The following EVC2 variants were observed in gnomAD, a reference collection of about 807,000 sequenced individuals.
EVC2 encodes the protein EvC ciliary complex subunit 2.
In EVC2, 148 loss-of-function variants were observed where a neutral mutation model predicts 149.3. The observed-to-expected ratio is 0.99, with a 90% CI of 0.87 to 1.14. The LOEUF (loss-of-function observed/expected upper bound fraction) is 1.14. Ranked by LOEUF, EVC2 falls within the 50% of genes most tolerant of loss-of-function variation. The pLI, the probability that EVC2 is intolerant of heterozygous loss-of-function variation, is 0.00. For synonymous variants in EVC2, 776 were observed against 649.9 expected (o/e 1.19, Z -2.95); for missense variants, 1,854 against 1,627.3 (o/e 1.14, Z -2.40).
chr4:5,576,362 C>G lies in EVC2; in HGVS notation c.3150G>C (p.Trp1050Cys), dbSNP rs1272934589. The G allele has an allele frequency of 1.9e-6, 3 of 1,614,176 alleles. No homozygotes were observed. Among genetic ancestry groups the G allele is most frequent in the Non-Finnish European group, 8.5e-7 (1 of 1,180,040 alleles). The change falls in exon 18 of 22, where the codon TGG becomes TGC. Residue 1050 changes from tryptophan (W) to cysteine (C), a missense_variant. By Grantham distance (215) the Trp-to-Cys change is radical. Transcript: ENST00000344408. This position sits in a 1 kb window ranked among gnomAD's most constrained non-coding sequence, Gnocchi z 4.5. ...TCAGAATCCCGGGCCCATCGGCCACCCACTGCTGCCAGCTCGCCAGGGCCT... is the reference window on the plus strand; with the variant it reads ...TCAGAATCCCGGGCCCATCGGCCACGCACTGCTGCCAGCTCGCCAGGGCCT... ...QQQALASWQQ[W>C]VADGPGILNE...
At chr4:5,601,150 G>A (rs1010010842) in intron 16 of EVC2, among the ~76,000 whole-genome samples, 1 of 152,116 alleles carries the variant, frequency 6.6e-6, no homozygotes, top group Non-Finnish European at 1.5e-5. Flanking sequence ...CAGACTGAAG[G>A]CCACAGTCTA....
chr4:5,693,626 T>C (rs958173890), intron 3 of EVC2, among the ~76,000 whole-genome samples: 3 of 152,216 alleles, frequency 2.0e-5, no homozygotes, highest in African/African-American at 2.4e-5. Flanking sequence ...ATTCCTGTTG[T>C]TTTCAGCCAT....
At chr4:5,695,184 C>T (rs1577265304) in intron 2 of EVC2, among the ~76,000 whole-genome samples, 1 of 151,882 alleles carries the variant, frequency 6.6e-6, no homozygotes, top group Non-Finnish European at 1.5e-5. Context: ...CCCGTCTCTA[C>T]TAAAATACAA....
intron 9 of EVC2, among the ~76,000 whole-genome samples, chr4:5,654,198 A>G (rs1459061208): frequency 6.6e-6 from 1 of 152,054 alleles, no homozygotes; most frequent in African/African-American, 2.4e-5. Flanking sequence ...TGAGTGACAG[A>G]GTGAGACTCC....
At chr4:5,698,577 C>T (rs1023381351) in intron 1 of EVC2, among the ~76,000 whole-genome samples, 2 of 152,310 alleles carry the variant, frequency 1.3e-5, no homozygotes, top group Admixed American at 1.3e-4. Flanking sequence ...AAGACTCAGA[C>T]CTCTCTACTG....
rs1716883584 is a variant in EVC2 at position 5,636,237 on chromosome 4, T to C, written c.1471-4205A>G. 6.6e-6 allele frequency among the ~76,000 whole-genome samples: 1 copy of C among 152,140 alleles called. No individual in the cohort carries two copies. The highest frequency in any genetic ancestry group is 2.4e-5 in the African/African-American group (1 of 41,434). On this transcript the variant is annotated intron_variant, in intron 10 of 21. Transcript: ENST00000344408. This position sits in a 1 kb window ranked among gnomAD's most constrained non-coding sequence, Gnocchi z 4.6. ...TGCCTTCTGTGCCTATATCCCCCAA[T>C]ACTCTCCCCAAGGTTTCTCAATGGA...
intron 21 of EVC2, 122 bp from the exon 22 acceptor site, chr4:5,563,237 A>G: frequency 1.0e-6 from 1 of 979,456 alleles, no homozygotes; most frequent in Non-Finnish European, 1.6e-6. Context: ...CCATTTTAAC[A>G]AAAGGTTATT....
Position 5,625,778 on chromosome 4 carries a change from T to C in EVC2, c.2017A>G (p.Thr673Ala). 1.2e-6 allele frequency: 2 copies of C among 1,614,166 alleles called. No individual in the cohort carries two copies. The highest frequency in any genetic ancestry group is 1.6e-4 in the Middle Eastern group (1 of 6,062). Residue 673 changes from threonine (T) to alanine (A), a missense_variant, in exon 13 of 22, where the codon ACT becomes GCT. By Grantham distance (58) the Thr-to-Ala change is moderately conservative. Transcript: ENST00000344408. The surrounding 1 kb of genome is among the most constrained non-coding windows in gnomAD (Gnocchi z 4.0). ...EKKKLHQKLI[T>A]KRRRELLQKH... ...TGTAGCAACTCTCGTCTTCTCTTAG[T>C]TATTAATTTTTGGTGGAGCTTTTTC...
downstream of EVC2, among the ~76,000 whole-genome samples, chr4:5,559,339 G>A (rs548954038): frequency 2.6e-5 from 4 of 152,220 alleles, no homozygotes; most frequent in South Asian, 2.1e-4. The surrounding 1 kb of genome is among the most constrained non-coding windows in gnomAD (Gnocchi z 5.0). Flanking sequence ...AAATATTAAC[G>A]GACATGTGTA....
chr4:5,665,277 C>G (rs1381571810), intron 8 of EVC2, among the ~76,000 whole-genome samples: 2 of 152,010 alleles, frequency 1.3e-5, no homozygotes, highest in East Asian at 3.9e-4. Context: ...GCCTAGGAAT[C>G]GCCACTGGAC....
intron 17 of EVC2, among the ~76,000 whole-genome samples, chr4:5,581,705 C>A (rs1265400586): frequency 3.9e-5 from 6 of 151,996 alleles, no homozygotes; most frequent in Admixed American, 1.3e-4. Context: ...TTGCAGCCCA[C>A]CATAGCCAAG....
intron 7 of EVC2, among the ~76,000 whole-genome samples, chr4:5,673,604 A>G (rs763606817): frequency 6.6e-6 from 1 of 152,170 alleles, no homozygotes; most frequent in Non-Finnish European, 1.5e-5. Flanking sequence ...TTGTCTCTGG[A>G]AAAGAATCAT....
At position 5,690,112 on chromosome 4, in the gene EVC2, G is replaced by A. The variant is rs146894560; in HGVS notation, c.520-769C>T. On this transcript the variant is annotated intron_variant, in intron 4 of 21. Coordinates refer to ENST00000344408, the MANE Select transcript of EVC2 (RefSeq NM_147127.5). ...GTGAAAAAAAGTGGGGGAGAAAGAA[G>A]GTACATCTATGTATACATGCATGTG... 5.9e-5 allele frequency among the ~76,000 whole-genome samples: 9 copies of A among 152,328 alleles called. No individual in the cohort carries two copies. The East Asian group carries it at 1.7e-3, about 29-fold the overall frequency.
chr4:5,706,597 C>A (rs921548454), intron 1 of EVC2, among the ~76,000 whole-genome samples: 2 of 151,946 alleles, frequency 1.3e-5, no homozygotes, highest in Non-Finnish European at 2.9e-5. Context: ...ACAGCCCTTA[C>A]ACCATTGCTC....
rs1448610614 is a variant in EVC2, at chr4:5,613,868, C to T, written c.2829+1554G>A. ...CCTGGATCCCTTAAGACATCAACAA[C>T]CTGGACACACCTGATGGGAGACACT... On this transcript the variant is annotated intron_variant, in intron 16 of 21. Transcript: ENST00000344408. The surrounding 1 kb of genome is among the most constrained non-coding windows in gnomAD (Gnocchi z 4.6). 6.6e-6 allele frequency among the ~76,000 whole-genome samples: 1 copy of T among 152,164 alleles called. No individual in the cohort carries two copies. Among genetic ancestry groups the T allele is most frequent in the Non-Finnish European group, 1.5e-5 (1 of 68,034 alleles).
chr4:5,629,470 C>A (rs6847485), intron 11 of EVC2, among the ~76,000 whole-genome samples: 1 of 152,130 alleles, frequency 6.6e-6, no homozygotes, highest in East Asian at 1.9e-4. Flanking sequence ...CCCACTTTAA[C>A]CAGAGGCATA....
rs1336402355 is a variant in EVC2, at chr4:5,614,229, G to A, written c.2829+1193C>T. The stretch of plus-strand genomic sequence containing the variant: ...GCTGCCAGCCTACTTCACCTGTAAG[G>A]TCACATTATCTAATTTCTTTCCTTA... On this transcript the variant is annotated intron_variant, in intron 16 of 21. Coordinates refer to ENST00000344408, the MANE Select transcript of EVC2 (RefSeq NM_147127.5). The surrounding 1 kb of genome is among the most constrained non-coding windows in gnomAD (Gnocchi z 4.7). Among the ~76,000 whole-genome samples the A allele has an allele frequency of 1.3e-5, 2 of 152,138 alleles. No homozygotes were observed. Among genetic ancestry groups the A allele is most frequent in the African/African-American group, 4.8e-5 (2 of 41,424 alleles).
At chr4:5,615,785 T>A (rs1285689287) in intron 15 of EVC2, among the ~76,000 whole-genome samples, 1 of 152,190 alleles carries the variant, frequency 6.6e-6, no homozygotes, top group East Asian at 1.9e-4. Flanking sequence ...GGGAGCCTGC[T>A]GGGCAGAACC....
intron 9 of EVC2, among the ~76,000 whole-genome samples, chr4:5,641,811 T>C (rs1374482806): frequency 6.6e-6 from 1 of 152,248 alleles, no homozygotes; most frequent in Admixed American, 6.5e-5. Flanking sequence ...CTGGGATACA[T>C]GTGCTGAACG....
Sources: gnomAD v4.1 joint callset for allele counts (sites outside exome capture counted in the v4.1 genomes callset) on GRCh38, gnomAD v4.1.1 for gene constraint, Gnocchi (gnomAD v3.1) non-coding constraint, MANE v1.5 for transcripts, NCBI Gene and HGNC (gene_info 2026-07-23, HGNC 2026-07-21) for gene names.